Variants in PCDHGA4 observed in about 807,000 individuals in gnomAD.
PCDHGA4 encodes the protein protocadherin gamma subfamily A, 4.
A neutral mutation model predicts 54.6 loss-of-function variants in PCDHGA4; 38 were observed. The observed-to-expected ratio is 0.70, with a 90% confidence interval of 0.54 to 0.91. PCDHGA4 has a LOEUF of 0.91. Among genes scored for constraint, PCDHGA4 ranks in the 40% least tolerant of loss-of-function variants. The pLI is 0.00. For synonymous variants in PCDHGA4, 511 were observed against 512.9 expected, an observed-to-expected ratio of 1.00 and a Z score of 0.05; for missense variants, 1,298 against 1,220.9, an observed-to-expected ratio of 1.06 and a Z score of -0.94.
chr5:141,488,158 G>A (rs534297140), intron 1 of PCDHGA4, among the ~76,000 whole-genome samples: 4 of 152,328 alleles, frequency 2.6e-5, no homozygotes, highest in South Asian at 2.1e-4. Context: ...AGAGAGGCAC[G>A]CATCAGAGTG....
chr5:141,383,349 T>C lies in PCDHGA4; in HGVS notation c.2514+25728T>C, dbSNP rs781308834. The C allele has an allele frequency of 1.1e-5, 18 of 1,613,856 alleles. No individual in the cohort carries two copies. The African/African-American group carries it at 2.4e-4, about 22-fold the overall frequency. On this transcript the variant is annotated intron_variant, in intron 1 of 3. Transcript: ENST00000571252. The stretch of plus-strand genomic sequence containing the variant: ...TAATGGAGAATACAGCTCCTGGGGT[T>C]CGGTTTCCGTTAAGCGAGGCTGGGG...
chr5:141,376,293 G>C lies in PCDHGA4; in HGVS notation c.2514+18672G>C, dbSNP rs189836587. 8,405 of 1,614,188 alleles carry C rather than the reference G, an allele frequency of 5.2e-3. 27 individuals carry two copies. Among genetic ancestry groups the C allele is most frequent in the Non-Finnish European group, 6.0e-3 (7,034 of 1,180,042 alleles). On this transcript the variant is annotated intron_variant, in intron 1 of 3. Transcript: ENST00000571252. ...GGAGGTGGCTTAGCGAGCATGCCCG[G>C]CTCGCACTTTGTGGGCGTGGAAGGG...
chr5:141,376,561 A>G (rs780141155), intron 1 of PCDHGA4: 3 of 1,608,212 alleles, frequency 1.9e-6, no homozygotes, highest in South Asian at 1.1e-5. Context: ...CCGCAACCCA[A>G]CTAATCAGAC....
At chr5:141,428,358 G>A in intron 1 of PCDHGA4, 2 of 565,492 alleles carry the variant, frequency 3.5e-6, no homozygotes, top group South Asian at 1.9e-5. Context: ...TGATTTTGGC[G>A]GTCGCCTTGC....
chr5:141,472,268 A>G (rs399559), intron 1 of PCDHGA4, among the ~76,000 whole-genome samples: 152,324 of 152,332 alleles, frequency 1, 76,158 homozygotes, highest in Middle Eastern at 1. Flanking sequence ...ATAGCCGGGC[A>G]CAGTGGCTCA....
intron 1 of PCDHGA4, chr5:141,395,094 G>A (rs192995605): frequency 6.2e-7 from 1 of 1,614,160 alleles, no homozygotes; most frequent in African/African-American, 1.3e-5. Flanking sequence ...CTCCCTCACC[G>A]CCGACTCGCG....
intron 1 of PCDHGA4, chr5:141,389,865 G>A: frequency 1.2e-6 from 2 of 1,614,080 alleles, no homozygotes; most frequent in Non-Finnish European, 1.7e-6. Flanking sequence ...GTTGCACCTG[G>A]TCTTCGCCGA....
chr5:141,360,599 A>G (rs1320690569), intron 1 of PCDHGA4: 2 of 1,613,866 alleles, frequency 1.2e-6, no homozygotes, highest in Non-Finnish European at 1.7e-6. Flanking sequence ...TTTCCACTTG[A>G]CCCAGCCCTG....
chr5:141,422,655 C>T (rs188587553), intron 1 of PCDHGA4: 2 of 1,610,120 alleles, frequency 1.2e-6, no homozygotes, highest in Admixed American at 3.3e-5. Flanking sequence ...TCTCAGTGAC[C>T]GCCCTCGACC....
At chr5:141,398,740 C>G in intron 1 of PCDHGA4, 2 of 1,613,864 alleles carry the variant, frequency 1.2e-6, no homozygotes, top group Non-Finnish European at 1.7e-6. Context: ...CCGGGAACAA[C>G]AGAGTTACCA....
At chr5:141,428,188 G>C (rs1023078587) in intron 1 of PCDHGA4, 1 of 1,433,232 alleles carries the variant, frequency 7.0e-7, no homozygotes, top group African/African-American at 1.4e-5. Flanking sequence ...GACAGCCGCC[G>C]CTCTCTGCGC....
chr5:141,408,448 G>A, intron 1 of PCDHGA4: 4 of 1,614,054 alleles, frequency 2.5e-6, no homozygotes, highest in Non-Finnish European at 2.5e-6. Context: ...CGGAGAGCGG[G>A]GACTTACTTG....
chr5:141,386,098 G>A (rs1384243905), intron 1 of PCDHGA4: 3 of 152,228 alleles, frequency 2.0e-5, no homozygotes, highest in Non-Finnish European at 4.4e-5. Flanking sequence ...GATGAAGTGT[G>A]TCTGTGGGCT....
intron 1 of PCDHGA4, chr5:141,417,894 G>A (rs751319373): frequency 1.3e-5 from 21 of 1,573,688 alleles, no homozygotes; most frequent in African/African-American, 2.7e-5. Context: ...CGCCGGGCCG[G>A]CCCGCGGCAG....
chr5:141,412,416 G>A (rs897228706), intron 1 of PCDHGA4: 1 of 152,162 alleles, frequency 6.6e-6, no homozygotes, highest in Non-Finnish European at 1.5e-5. Flanking sequence ...GATAAAGTAT[G>A]TTTTACACAA....
chr5:141,395,559 T>TA (rs2093276349), intron 1 of PCDHGA4: 2 of 220,962 alleles, frequency 9.1e-6, no homozygotes, highest in Admixed American at 1.1e-4. Flanking sequence ...TGTGTGTGTG[T>TA]GTGTGTGTGT....
At chr5:141,419,863 G>C in intron 1 of PCDHGA4, 1 of 1,614,108 alleles carries the variant, frequency 6.2e-7, no homozygotes, top group Non-Finnish European at 8.5e-7. Flanking sequence ...CAGATAGCTT[G>C]CAAGAGGTAC....
Position 141,490,748 on chromosome 5 carries a change from C to A in PCDHGA4, c.2515-4059C>A. 3.1e-6 allele frequency: 5 copies of A among 1,614,168 alleles called. No individual in the cohort carries two copies. Among genetic ancestry groups the A allele is most frequent in the Non-Finnish European group, 3.4e-6 (4 of 1,180,006 alleles). ...GGAAATCAGGTTCAGGGAGCCCCAGCCTCCTCCTTTGTGTATGTCAACCCA... is the reference window on the plus strand; with the variant it reads ...GGAAATCAGGTTCAGGGAGCCCCAGACTCCTCCTTTGTGTATGTCAACCCA... On this transcript the variant is annotated intron_variant, in intron 1 of 3. Transcript: ENST00000571252. This position sits in a 1 kb window ranked among gnomAD's most constrained non-coding sequence, Gnocchi z 5.4.
At chr5:141,361,013 A>C (rs185853995) in intron 1 of PCDHGA4, 1 of 1,613,268 alleles carries the variant, frequency 6.2e-7, no homozygotes, top group South Asian at 1.1e-5. Flanking sequence ...CACTTTTTCA[A>C]CTTAAATGAA....
Sources: allele counts gnomAD v4.1 joint callset (sites outside exome capture counted in the v4.1 genomes callset), GRCh38; gene constraint gnomAD v4.1.1; non-coding constraint Gnocchi (gnomAD v3.1); transcripts MANE v1.5; gene names NCBI Gene and HGNC (gene_info 2026-07-23, HGNC 2026-07-21).